The following CUBN variants were observed in gnomAD, a reference collection of about 807,000 sequenced individuals.
CUBN encodes cubilin, also known as 460 kDa receptor.
CUBN carries 282 observed loss-of-function variants against 405.3 expected under a neutral mutation model. That is an observed-to-expected ratio of 0.70 (90% CI 0.63 to 0.77). The LOEUF (loss-of-function observed/expected upper bound fraction) is 0.77, where lower values mean the gene tolerates loss of function less well. Ranked by LOEUF, CUBN falls within the 30% of genes least tolerant of loss-of-function variation. The pLI is 0.00. For synonymous variants in CUBN, 1,684 were observed against 1,617.0 expected (o/e 1.04, Z -0.99); for missense variants, 4,514 against 4,475.2 (o/e 1.01, Z -0.25).
intron 27 of CUBN, among the ~76,000 whole-genome samples, chr10:17,022,495 T>C (rs1435939385): frequency 6.6e-6 from 1 of 151,928 alleles, no homozygotes; most frequent in Admixed American, 6.6e-5. Flanking sequence ...TCCCCTATAA[T>C]GAATAGGGGA....
At chr10:16,947,477 T>A in intron 35 of CUBN, 110 bp from the exon 36 acceptor site, 1 of 1,153,050 alleles carries the variant, frequency 8.7e-7, no homozygotes, top group Non-Finnish European at 1.3e-6. Flanking sequence ...GAATAGATAG[T>A]ATTTCCATCT....
chr10:17,108,386 T>A (rs1358810002), intron 10 of CUBN, among the ~76,000 whole-genome samples: 1 of 9,122 alleles, frequency 1.1e-4, no homozygotes, highest in African/African-American at 1.6e-4. Flanking sequence ...AGTATATGTG[T>A]GTGTGTGTGT....
At chr10:17,077,661 A>G (rs1835881813) in intron 17 of CUBN, among the ~76,000 whole-genome samples, 1 of 152,136 alleles carries the variant, frequency 6.6e-6, no homozygotes, top group Non-Finnish European at 1.5e-5. Context: ...CTGTGAAGTG[A>G]GCTTCAGGCT....
At chr10:16,936,897 A>G (rs1008371195) in intron 39 of CUBN, among the ~76,000 whole-genome samples, 1 of 152,006 alleles carries the variant, frequency 6.6e-6, no homozygotes, top group African/African-American at 2.4e-5. Context: ...TTGTATTTTT[A>G]GTAGAGATGG....
chr10:16,891,701 A>G (rs542918398), intron 54 of CUBN, among the ~76,000 whole-genome samples: 1 of 131,922 alleles, frequency 7.6e-6, no homozygotes, highest in South Asian at 2.6e-4. Flanking sequence ...TAATGAATAT[A>G]CAAAACTTGG....
chr10:16,925,549 A>G, intron 42 of CUBN, 35 bp downstream of exon 42: 1 of 1,613,222 alleles, frequency 6.2e-7, no homozygotes, highest in South Asian at 1.1e-5. Flanking sequence ...AAGTCTATGG[A>G]AAATGTAATT....
In CUBN at chr10:17,068,686, T is replaced by G. The variant is rs750321068; in HGVS notation, c.2710A>C (p.Asn904His). The G allele has an allele frequency of 1.3e-5, 21 of 1,612,328 alleles. 1 individual carries two copies. The South Asian group carries it at 2.3e-4, about 18-fold the overall frequency. Residue 904 changes from asparagine to histidine, a missense_variant, in exon 20 of 67, where the codon AAT becomes CAT. By Grantham distance (68) the Asn-to-His change is moderately conservative. Transcript: ENST00000377833. The stretch of plus-strand genomic sequence containing the variant: ...TTCACGAATGTGACATAAAGAAAAT[T>G]GTACACAGATGTTATAAATGAAGGT... ...DIPSFITSVY[N>H]FLYVTFVKSS...
At chr10:16,962,709 C>T (rs1465665739) in intron 31 of CUBN, among the ~76,000 whole-genome samples, 1 of 152,170 alleles carries the variant, frequency 6.6e-6, no homozygotes, top group Non-Finnish European at 1.5e-5. Context: ...AGCAAGGTGC[C>T]GTGTTCTGAG....
At chr10:17,065,689 G>T (rs778938043) in intron 21 of CUBN, 51 bp from the exon 22 acceptor site, 1 of 1,607,470 alleles carries the variant, frequency 6.2e-7, no homozygotes, top group Admixed American at 1.7e-5. Context: ...TTGGTATACT[G>T]AAAATGATGT....
intron 17 of CUBN, among the ~76,000 whole-genome samples, chr10:17,081,214 T>C (rs907886996): frequency 6.6e-6 from 1 of 152,186 alleles, no homozygotes; most frequent in Non-Finnish European, 1.5e-5. Flanking sequence ...AATGGTACCT[T>C]AATCTTCATT....
At chr10:16,894,382 C>T (rs573918689) in intron 54 of CUBN, among the ~76,000 whole-genome samples, 1 of 152,032 alleles carries the variant, frequency 6.6e-6, no homozygotes, top group African/African-American at 2.4e-5. Flanking sequence ...AGGTTTTCTA[C>T]AAAATAATGA....
At position 16,990,353 on chromosome 10, in the gene CUBN, C is replaced by T. The variant is rs2131715662; in HGVS notation, c.4331G>A (p.Cys1444Tyr). ...TCCTACCTCCAAGACATCAAAGTTG[C>T]ACCTTGAATGATACTCCACATCGAA... Reference protein sequence around the residue: ...HDFDVEYHSRCNFDVLEIYGG... With the variant: ...HDFDVEYHSRYNFDVLEIYGG... Residue 1444 changes from cysteine (C) to tyrosine (Y), a missense_variant, in exon 29 of 67, where the codon TGC becomes TAC. This residue lies in a region of CUBN where 1,613 missense variants were observed against 1,542.8 expected (regional missense o/e 1.05). Transcript: ENST00000377833. 4 of 1,614,164 alleles carry T rather than the reference C, an allele frequency of 2.5e-6. No homozygotes were observed. Among genetic ancestry groups the T allele is most frequent in the Non-Finnish European group, 2.5e-6 (3 of 1,180,002 alleles).
intron 31 of CUBN, among the ~76,000 whole-genome samples, chr10:16,978,217 C>A (rs1833154311): frequency 6.6e-6 from 1 of 152,164 alleles, no homozygotes; most frequent in Non-Finnish European, 1.5e-5. Context: ...TCCTCTTTGT[C>A]CTGAGAGGCT....
rs1842554236 is a variant in CUBN, at chr10:16,937,709, T to C, written c.5809A>G (p.Thr1937Ala). Residue 1937 changes from threonine (T) to alanine (A), a missense_variant, in exon 39 of 67, where the codon ACT becomes GCT. By Grantham distance (58) the Thr-to-Ala change is moderately conservative. This residue lies in a region of CUBN where 1,613 missense variants were observed against 1,542.8 expected (regional missense o/e 1.05). Coordinates refer to ENST00000377833, the MANE Select transcript of CUBN (RefSeq NM_001081.4). ...AAATGAAATGTCAAAGAATTTCCAG[T>C]GGAGCTGAAAGATTCAGTCTGGGTA... Reference protein sequence around the residue: ...CGTQTESFSSTGNSLTFHFYS... With the variant: ...CGTQTESFSSAGNSLTFHFYS... The C allele has an allele frequency of 4.3e-6, 7 of 1,614,116 alleles. No homozygotes were observed. Among genetic ancestry groups the C allele is most frequent in the Non-Finnish European group, 5.9e-6 (7 of 1,180,004 alleles).
At chr10:16,985,263 G>A (rs1049993520) in intron 29 of CUBN, among the ~76,000 whole-genome samples, 2 of 152,214 alleles carry the variant, frequency 1.3e-5, no homozygotes, top group Admixed American at 1.3e-4. Flanking sequence ...GAAGAGCAGA[G>A]GAGGAGAAGA....
chr10:16,985,696 C>T (rs989984112), intron 29 of CUBN, among the ~76,000 whole-genome samples: 1 of 152,234 alleles, frequency 6.6e-6, no homozygotes, highest in Non-Finnish European at 1.5e-5. Flanking sequence ...CTGCATGCTC[C>T]CCCTCCCATA....
intron 31 of CUBN, among the ~76,000 whole-genome samples, chr10:16,962,467 C>A (rs1445455844): frequency 6.6e-6 from 1 of 151,998 alleles, no homozygotes. Context: ...GGGTGGTAGG[C>A]AACTTCTGAC....
chr10:16,883,896 T>C (rs1365713733), intron 56 of CUBN, among the ~76,000 whole-genome samples: 1 of 152,250 alleles, frequency 6.6e-6, no homozygotes, highest in African/African-American at 2.4e-5. Flanking sequence ...GTAGAATTTT[T>C]AAATTGAGAA....
At chr10:17,032,710 G>A (rs185599990) in intron 27 of CUBN, among the ~76,000 whole-genome samples, 1 of 152,160 alleles carries the variant, frequency 6.6e-6, no homozygotes, top group Non-Finnish European at 1.5e-5. Context: ...AGGGGAAAAT[G>A]AAATAAACTT....
Sources: gnomAD v4.1 joint callset for allele counts (sites outside exome capture counted in the v4.1 genomes callset) on GRCh38, gnomAD v4.1.1 for gene constraint, gnomAD v4.1.1 regional missense constraint, MANE v1.5 for transcripts, NCBI Gene and HGNC (gene_info 2026-07-23, HGNC 2026-07-21) for gene names.